The following ERC2 variants were observed in gnomAD, a reference collection of about 807,000 sequenced individuals.
ERC2 encodes ERC protein 2.
A neutral mutation model predicts 114.8 loss-of-function variants in ERC2; 42 were observed. The observed-to-expected ratio is 0.37, with a 90% confidence interval of 0.29 to 0.47. ERC2 has a LOEUF of 0.47. Among genes scored for constraint, ERC2 ranks in the 20% least tolerant of loss-of-function variants. The pLI, the probability that ERC2 is intolerant of heterozygous loss-of-function variation, is 0.99. For missense variants in ERC2, 939 were observed against 1,150.7 expected (o/e 0.82, Z 2.66); for synonymous variants, 454 against 425.5 (o/e 1.07, Z -0.82).
At chr3:56,452,555 C>T (rs773879172) in intron 1 of ERC2, among the ~76,000 whole-genome samples, 1 of 152,126 alleles carries the variant, frequency 6.6e-6, no homozygotes, top group Non-Finnish European at 1.5e-5. Context: ...AACTCACCAG[C>T]TTTATGTTTA....
intron 3 of ERC2, among the ~76,000 whole-genome samples, chr3:56,189,863 G>C (rs1031248078): frequency 1.4e-4 from 21 of 152,210 alleles, no homozygotes; most frequent in Admixed American, 1.4e-3. Context: ...CCAGGTCCAA[G>C]CAACTCTGGA....
At chr3:55,564,322 C>T (rs1051788413) in intron 17 of ERC2, among the ~76,000 whole-genome samples, 1 of 152,074 alleles carries the variant, frequency 6.6e-6, no homozygotes, top group African/African-American at 2.4e-5. Context: ...TATTTCATAC[C>T]GTGGAAAATT....
At chr3:56,429,866 G>A (rs955177117) in intron 2 of ERC2, among the ~76,000 whole-genome samples, 2 of 152,188 alleles carry the variant, frequency 1.3e-5, no homozygotes, top group Admixed American at 1.3e-4. Flanking sequence ...AACACAGAGA[G>A]GGAGTTCAGC....
chr3:56,370,340 T>A (rs2150584965), intron 2 of ERC2, among the ~76,000 whole-genome samples: 1 of 152,290 alleles, frequency 6.6e-6, no homozygotes, highest in East Asian at 1.9e-4. Flanking sequence ...GATGGACAAT[T>A]GCATTGCTCC....
chr3:56,269,192 G>A (rs2053506621), intron 3 of ERC2, among the ~76,000 whole-genome samples: 1 of 152,084 alleles, frequency 6.6e-6, no homozygotes, highest in African/African-American at 2.4e-5. Context: ...AGAACTGAGA[G>A]TTCCAAGCAC....
chr3:55,793,051 G>A (rs2070179422), intron 14 of ERC2, among the ~76,000 whole-genome samples: 3 of 152,136 alleles, frequency 2.0e-5, no homozygotes, highest in African/African-American at 7.2e-5. Context: ...AACTGTGGAT[G>A]CAATTTATTT....
intron 10 of ERC2, among the ~76,000 whole-genome samples, chr3:56,004,560 T>C (rs2072328457): frequency 6.6e-6 from 1 of 152,070 alleles, no homozygotes; most frequent in Admixed American, 6.6e-5. Context: ...CAAACTTTTA[T>C]GTAAAAACTC....
intron 14 of ERC2, among the ~76,000 whole-genome samples, chr3:55,852,877 GT>G: frequency 6.6e-6 from 1 of 152,206 alleles, no homozygotes; most frequent in East Asian, 1.9e-4. Context: ...CTTTATAGGA[GT>G]TTTTGAATTT....
At chr3:55,643,010 A>G (rs900104109) in intron 17 of ERC2, among the ~76,000 whole-genome samples, 3 of 152,178 alleles carry the variant, frequency 2.0e-5, no homozygotes, top group Non-Finnish European at 2.9e-5. Context: ...TAGCACGGAA[A>G]TTTACTAAAT....
chr3:55,590,778 A>C (rs1368364754), intron 17 of ERC2, among the ~76,000 whole-genome samples: 1 of 152,246 alleles, frequency 6.6e-6, no homozygotes, highest in African/African-American at 2.4e-5. Context: ...GTTGTAATCA[A>C]ACTGCCAAGA....
intron 13 of ERC2, among the ~76,000 whole-genome samples, chr3:55,895,944 G>A (rs567386877): frequency 6.6e-6 from 1 of 152,290 alleles, no homozygotes; most frequent in African/African-American, 2.4e-5. Flanking sequence ...TGAAAGGATG[G>A]AGGCCCTATG....
chr3:56,292,441 AT>A (rs1367101563), intron 3 of ERC2, among the ~76,000 whole-genome samples: 55 of 149,236 alleles, frequency 3.7e-4, no homozygotes, highest in South Asian at 2.3e-3. Flanking sequence ...AAAAAAAAAA[AT>A]AGCCAGGCAT....
chr3:55,777,096 C>T (rs2068683377), intron 14 of ERC2, among the ~76,000 whole-genome samples: 1 of 152,072 alleles, frequency 6.6e-6, no homozygotes, highest in South Asian at 2.1e-4. Flanking sequence ...ATAATAACAG[C>T]AATATCTGGC....
At chr3:55,905,666 TA>T (rs1473978951) in intron 13 of ERC2, among the ~76,000 whole-genome samples, 1 of 152,122 alleles carries the variant, frequency 6.6e-6, no homozygotes, top group Non-Finnish European at 1.5e-5. Flanking sequence ...GCCTTGCAAA[TA>T]AAACCCCAAC....
chr3:56,278,951 C>T (rs1350961463), intron 3 of ERC2, among the ~76,000 whole-genome samples: 1 of 152,188 alleles, frequency 6.6e-6, no homozygotes, highest in Non-Finnish European at 1.5e-5. Context: ...CACATTTCAA[C>T]ATGAGTTTTT....
At chr3:56,387,263 T>G (rs1053988914) in intron 2 of ERC2, among the ~76,000 whole-genome samples, 4 of 152,222 alleles carry the variant, frequency 2.6e-5, no homozygotes, top group African/African-American at 9.6e-5. Context: ...TTAACCAATT[T>G]GTTATTATTG....
chr3:55,814,155 T>A (rs895953014), intron 14 of ERC2, among the ~76,000 whole-genome samples: 1 of 152,162 alleles, frequency 6.6e-6, no homozygotes, highest in South Asian at 2.1e-4. Context: ...GGCATTCCAA[T>A]CAAAAACTCT....
intron 7 of ERC2, among the ~76,000 whole-genome samples, chr3:56,032,913 A>AG (rs1560056241): frequency 3.6e-4 from 25 of 68,698 alleles, no homozygotes; most frequent in Admixed American, 1.0e-3. Flanking sequence ...GAAAGAAAGA[A>AG]AGAAAGAAAG....
chr3:56,095,042 C>T (rs1011570512), intron 6 of ERC2, among the ~76,000 whole-genome samples: 4 of 152,080 alleles, frequency 2.6e-5, no homozygotes, highest in African/African-American at 7.2e-5. Flanking sequence ...TGCTTGAGGC[C>T]AGAAGTTTGA....
Sources: gnomAD v4.1 joint callset for allele counts (sites outside exome capture counted in the v4.1 genomes callset) on GRCh38, gnomAD v4.1.1 for gene constraint, MANE v1.5 for transcripts, NCBI Gene and HGNC (gene_info 2026-07-23, HGNC 2026-07-21) for gene names.